GPC6: variants seen among roughly 807,000 people sequenced by gnomAD.
The protein encoded by GPC6 is glypican 6, also known as glypican-6.
GPC6 carries 14 observed loss-of-function variants against 55.2 expected under a neutral mutation model. The observed-to-expected ratio is 0.25, with a 90% CI of 0.17 to 0.40. The LOEUF (loss-of-function observed/expected upper bound fraction) is 0.40, where lower values mean the gene tolerates loss of function less well. GPC6 is among the 10% of genes least tolerant of loss of function. GPC6 has a pLI of 1.00. For synonymous variants in GPC6, 278 were observed against 259.6 expected (o/e 1.07, Z -0.68); for missense variants, 641 against 708.5 (o/e 0.90, Z 1.08).
intron 2 of GPC6, among the ~76,000 whole-genome samples, chr13:93,824,662 A>G (rs956922189): frequency 1.3e-5 from 2 of 152,124 alleles, no homozygotes; most frequent in African/African-American, 4.8e-5. Flanking sequence ...GGGGTTATAC[A>G]TGAATATTTA....
intron 6 of GPC6, among the ~76,000 whole-genome samples, chr13:94,361,378 G>A (rs545729716): frequency 6.6e-6 from 1 of 152,166 alleles, no homozygotes; most frequent in African/African-American, 2.4e-5. Flanking sequence ...TTTAAACAGG[G>A]AACCCTGCAT....
chr13:94,233,214 T>A (rs1336269095), intron 4 of GPC6, among the ~76,000 whole-genome samples: 6 of 151,966 alleles, frequency 3.9e-5, no homozygotes, highest in Admixed American at 6.6e-5. Flanking sequence ...TAAAGGAAAT[T>A]TTTTTGGATG....
chr13:93,614,798 T>G (rs1304595083), intron 2 of GPC6, among the ~76,000 whole-genome samples: 1 of 152,186 alleles, frequency 6.6e-6, no homozygotes. Context: ...ACACGTTTTG[T>G]TTAGAAAGTT....
rs369026575 is a variant in GPC6 at position 93,251,662 on chromosome 13, A to C, written c.160+24046A>C. The stretch of plus-strand genomic sequence containing the variant: ...TCCTATCTATACAGAGAGAAGTCTC[A>C]AAATAAATGTTAGTTCTCCTTTTCC... On this transcript the variant is annotated intron_variant, in intron 1 of 8. Transcript: ENST00000377047. Among the ~76,000 whole-genome samples, 4 of 152,284 alleles carry C rather than the reference A, an allele frequency of 2.6e-5. No homozygotes were observed. The East Asian group carries it at 5.8e-4, about 22-fold the overall frequency.
rs572859324 is a variant in GPC6 at position 93,952,784 on chromosome 13, T to C, written c.712-74945T>C. On this transcript the variant is annotated intron_variant, in intron 3 of 8. Coordinates refer to ENST00000377047, the MANE Select transcript of GPC6 (RefSeq NM_005708.5). ...TGTGTGTGTGAGATGTGGGTGTGTA[T>C]ATATGTGTATTGAGATATAGGTATA... 2.7e-5 allele frequency among the ~76,000 whole-genome samples: 4 copies of C among 149,450 alleles called. No individual in the cohort carries two copies. In the East Asian group the frequency reaches 7.9e-4, roughly 29 times the overall value.
intron 4 of GPC6, among the ~76,000 whole-genome samples, chr13:94,232,135 C>T (rs1188884526): frequency 1.3e-5 from 2 of 152,186 alleles, no homozygotes; most frequent in Non-Finnish European, 2.9e-5. Flanking sequence ...CAAGATATAG[C>T]AATAGCTTCT....
At chr13:94,165,291 T>TAC (rs959724204) in intron 4 of GPC6, among the ~76,000 whole-genome samples, 13 of 148,468 alleles carry the variant, frequency 8.8e-5, no homozygotes, top group South Asian at 6.3e-4. Context: ...TATATATATA[T>TAC]ACATAATGGA....
chr13:94,273,885 A>G (rs949986479), intron 4 of GPC6, among the ~76,000 whole-genome samples: 1 of 152,224 alleles, frequency 6.6e-6, no homozygotes, highest in East Asian at 1.9e-4. Flanking sequence ...GAATTATTTG[A>G]ACATTCCAAG....
chr13:94,214,927 C>T (rs926103175), intron 4 of GPC6, among the ~76,000 whole-genome samples: 1 of 152,186 alleles, frequency 6.6e-6, no homozygotes, highest in Non-Finnish European at 1.5e-5. Context: ...TGACATTTCA[C>T]TTAAAGAAAA....
chr13:93,470,113 A>G (rs1879055536), intron 1 of GPC6, among the ~76,000 whole-genome samples: 1 of 152,096 alleles, frequency 6.6e-6, no homozygotes, highest in African/African-American at 2.4e-5. Flanking sequence ...GCCTTCCCAA[A>G]TAAATTTTAA....
intron 5 of GPC6, among the ~76,000 whole-genome samples, chr13:94,290,478 G>A (rs1874903748): frequency 6.7e-6 from 1 of 150,180 alleles, no homozygotes; most frequent in African/African-American, 2.4e-5. Context: ...TTGGCCCAGT[G>A]CAAAGAATCT....
chr13:93,781,716 G>A (rs1885658144), intron 2 of GPC6, among the ~76,000 whole-genome samples: 1 of 152,120 alleles, frequency 6.6e-6, no homozygotes, highest in Non-Finnish European at 1.5e-5. Context: ...GCACACAAAA[G>A]TCAGGGCTAA....
chr13:93,702,159 C>G (rs1409538842), intron 2 of GPC6, among the ~76,000 whole-genome samples: 1 of 152,028 alleles, frequency 6.6e-6, no homozygotes, highest in African/African-American at 2.4e-5. Context: ...AAAATTACTC[C>G]TTGATCCATG....
chr13:94,141,544 C>G (rs1322394203), intron 4 of GPC6, among the ~76,000 whole-genome samples: 1 of 152,072 alleles, frequency 6.6e-6, no homozygotes, highest in Non-Finnish European at 1.5e-5. Flanking sequence ...AGGCATGTCC[C>G]ACCTCCCTTT....
intron 3 of GPC6, among the ~76,000 whole-genome samples, chr13:93,938,355 T>C (rs1407193074): frequency 6.6e-6 from 1 of 152,202 alleles, no homozygotes; most frequent in Non-Finnish European, 1.5e-5. Flanking sequence ...TAATTTGAAC[T>C]TCAATGATTC....
At chr13:93,289,309 C>T (rs9516207) in intron 1 of GPC6, among the ~76,000 whole-genome samples, 1 of 152,042 alleles carries the variant, frequency 6.6e-6, no homozygotes, top group South Asian at 2.1e-4. Context: ...TACTCCAATT[C>T]GTAAAATGCA....
At chr13:93,231,411 A>ATACG (rs1555336170) in intron 1 of GPC6, among the ~76,000 whole-genome samples, 1 of 37,840 alleles carries the variant, frequency 2.6e-5, no homozygotes, top group African/African-American at 1.1e-4. Context: ...ATATATATAT[A>ATACG]TATATATATA....
intron 3 of GPC6, among the ~76,000 whole-genome samples, chr13:93,881,454 G>A (rs1240658736): frequency 6.6e-6 from 1 of 152,010 alleles, no homozygotes; most frequent in East Asian, 1.9e-4. Context: ...ACATTTAAAT[G>A]GCATAATATA....
In GPC6 at chr13:94,039,529, G is replaced by C. The variant is rs569596995; in HGVS notation, c.877+11635G>C. ...AAGTGCCTGAGAGAAAGACAGTGCT[G>C]TTAGCAAACAGGAAGCTAGTTCGGG... On this transcript the variant is annotated intron_variant, in intron 4 of 8. Transcript: ENST00000377047. 1.2e-4 allele frequency among the ~76,000 whole-genome samples: 18 copies of C among 152,050 alleles called. No individual in the cohort carries two copies. In the East Asian group the frequency reaches 3.5e-3, roughly 29 times the overall value.
Sources: allele counts gnomAD v4.1 joint callset (sites outside exome capture counted in the v4.1 genomes callset), GRCh38; gene constraint gnomAD v4.1.1; transcripts MANE v1.5; gene names NCBI Gene and HGNC (gene_info 2026-07-23, HGNC 2026-07-21).